Variants in DCAF10 observed in about 807,000 individuals in gnomAD.
DCAF10 encodes DDB1 and CUL4 associated factor 10, also known as DDB1- and CUL4-associated factor 10.
A neutral mutation model predicts 51.9 loss-of-function variants in DCAF10; 19 were observed. That is an observed-to-expected ratio of 0.37 (90% confidence interval 0.26 to 0.54). The LOEUF is 0.54. Ranked by LOEUF, DCAF10 falls within the 20% of genes least tolerant of loss-of-function variation. The pLI, the probability that DCAF10 is intolerant of heterozygous loss-of-function variation, is 0.87. For synonymous variants in DCAF10, 291 were observed against 297.1 expected, an observed-to-expected ratio of 0.98 and a Z score of 0.21; for missense variants, 510 against 730.6, an observed-to-expected ratio of 0.70 and a Z score of 3.48.
rs1831155690 is a variant in DCAF10, at chr9:37,867,275, A to G, written c.*5767A>G. 6.6e-6 allele frequency: 1 copy of G among 152,182 alleles called. No homozygotes were observed. Among genetic ancestry groups the G allele is most frequent in the Non-Finnish European group, 1.5e-5 (1 of 68,038 alleles). 9.4% of individuals were successfully genotyped at this position (152,182 alleles called of 1,614,324 possible). ...ATAAATGAAAATGTCACCCAGAGAT[A>G]ATAAAATAATTTTTAAAGTTTAAAT... On this transcript the variant is annotated 3_prime_UTR_variant, in exon 7 of 7. Coordinates refer to ENST00000377724, the MANE Select transcript of DCAF10 (RefSeq NM_024345.5).
At chr9:37,820,691 G>A (rs74426637) in intron 2 of DCAF10, among the ~76,000 whole-genome samples, 19,456 of 152,038 alleles carry the variant, frequency 0.13, 1,407 homozygotes, top group Non-Finnish European at 0.16. Context: ...GGGCCCAGAT[G>A]GCCAAGTGGG....
At chr9:37,828,820 C>T (rs1250239955) in intron 2 of DCAF10, among the ~76,000 whole-genome samples, 4 of 152,136 alleles carry the variant, frequency 2.6e-5, no homozygotes, top group African/African-American at 9.7e-5. Flanking sequence ...AAAATTAGAT[C>T]TCTACTTCAC....
chr9:37,801,156 G>C lies in DCAF10; in HGVS notation c.290G>C (p.Arg97Pro). 1.3e-6 allele frequency: 2 copies of C among 1,537,012 alleles called. No individual in the cohort carries two copies. The highest frequency in any genetic ancestry group is 1.7e-6 in the Non-Finnish European group (2 of 1,143,716). ...EPSPPSPPCR[R>P]PGPDCRAKSR... ...TCACCTCCCTCCCCTCCGTGCCGGCGGCCCGGGCCAGACTGCAGGGCCAAG... is the reference window on the plus strand; with the variant it reads ...TCACCTCCCTCCCCTCCGTGCCGGCCGCCCGGGCCAGACTGCAGGGCCAAG... Residue 97 changes from arginine (R) to proline (P), a missense_variant, in exon 1 of 7, where the codon CGG becomes CCG. Arg to Pro is a moderately radical substitution (Grantham distance 103). Transcript: ENST00000377724. The surrounding 1 kb of genome is among the most constrained non-coding windows in gnomAD (Gnocchi z 5.5).
intron 2 of DCAF10, among the ~76,000 whole-genome samples, chr9:37,821,176 T>C (rs1829691872): frequency 6.6e-6 from 1 of 152,136 alleles, no homozygotes; most frequent in African/African-American, 2.4e-5. Context: ...ATTATTTACC[T>C]TGCCTTTTTC....
intron 1 of DCAF10, among the ~76,000 whole-genome samples, chr9:37,816,857 T>A (rs1159653528): frequency 6.6e-6 from 1 of 152,144 alleles, no homozygotes; most frequent in Non-Finnish European, 1.5e-5. Context: ...ATCTGTAAAG[T>A]CAGTGCATTT....
At chr9:37,851,778 ACT>A (rs1459048564) in intron 3 of DCAF10, among the ~76,000 whole-genome samples, 3 of 146,372 alleles carry the variant, frequency 2.0e-5, no homozygotes, top group African/African-American at 7.8e-5. Flanking sequence ...ACAGAGTAAG[ACT>A]CTGTCTCAAA....
intron 2 of DCAF10, among the ~76,000 whole-genome samples, chr9:37,837,729 A>G (rs1306985380): frequency 6.6e-6 from 1 of 151,950 alleles, no homozygotes; most frequent in Admixed American, 6.6e-5. Context: ...GGTTTCCTTC[A>G]CATCTTTGGA....
At chr9:37,845,187 A>T (rs1180346138) in intron 3 of DCAF10, among the ~76,000 whole-genome samples, 4 of 152,230 alleles carry the variant, frequency 2.6e-5, no homozygotes, top group African/African-American at 9.6e-5. Flanking sequence ...TTACTCAAAA[A>T]ACTGGAAAAA....
chr9:37,835,197 G>A (rs1025283807), intron 2 of DCAF10, among the ~76,000 whole-genome samples: 2 of 152,126 alleles, frequency 1.3e-5, no homozygotes, highest in Non-Finnish European at 2.9e-5. Flanking sequence ...CACTTTGGGA[G>A]GTCGAAGTGG....
At position 37,800,958 on chromosome 9, in the gene DCAF10, C is replaced by G; in HGVS notation, c.92C>G (p.Ala31Gly). Residue 31 changes from alanine to glycine, a missense_variant, in exon 1 of 7, where the codon GCC becomes GGC. By Grantham distance (60) the Ala-to-Gly change is moderately conservative. Around this residue, in one of 4 missense-constraint regions of DCAF10, gnomAD observed 251 missense variants for 227.9 expected, o/e 1.10. Coordinates refer to ENST00000377724, the MANE Select transcript of DCAF10 (RefSeq NM_024345.5). ...ACGCCCCACGAGGGGCAGGCAGCAG[C>G]CACCGGGCCGCCCTCGCCACTACAT... ...EPTPHEGQAAATGPPSPLHPG... is the reference protein window; with the variant it reads ...EPTPHEGQAAGTGPPSPLHPG... 6.6e-7 allele frequency: 1 copy of G among 1,504,586 alleles called. No homozygotes were observed. The highest frequency in any genetic ancestry group is 8.8e-7 in the Non-Finnish European group (1 of 1,134,434). 93.2% of individuals were successfully genotyped at this position (1,504,586 alleles called of 1,614,324 possible).
intron 2 of DCAF10, among the ~76,000 whole-genome samples, chr9:37,839,065 C>CTTT (rs138919253): frequency 4.0e-5 from 6 of 148,666 alleles, no homozygotes; most frequent in Admixed American, 6.7e-5. Flanking sequence ...TTTTCTTTTT[C>CTTT]TTTTTTTTGA....
intron 2 of DCAF10, among the ~76,000 whole-genome samples, chr9:37,837,470 A>AG (rs1378976980): frequency 2.0e-5 from 3 of 151,998 alleles, no homozygotes; most frequent in East Asian, 3.9e-4. Context: ...AAAAAAAAAA[A>AG]AAAAAGAAAA....
At chr9:37,850,982 G>A (rs1830634863) in intron 3 of DCAF10, among the ~76,000 whole-genome samples, 1 of 150,720 alleles carries the variant, frequency 6.6e-6, no homozygotes, top group East Asian at 2.0e-4. Flanking sequence ...GGTAGCTCAT[G>A]CCTCTAATTC....
At chr9:37,813,110 A>G (rs1829403800) in intron 1 of DCAF10, among the ~76,000 whole-genome samples, 1 of 152,058 alleles carries the variant, frequency 6.6e-6, no homozygotes, top group African/African-American at 2.4e-5. Flanking sequence ...AAATGTATAT[A>G]TATTCTTAGA....
intron 2 of DCAF10, among the ~76,000 whole-genome samples, chr9:37,819,663 A>C (rs1460804226): frequency 6.6e-6 from 1 of 152,210 alleles, no homozygotes; most frequent in Admixed American, 6.5e-5. Flanking sequence ...CATCATTATG[A>C]ACCTCAGCCA....
chr9:37,814,270 CT>C (rs1829459343), intron 1 of DCAF10, among the ~76,000 whole-genome samples: 1 of 144,884 alleles, frequency 6.9e-6, no homozygotes, highest in African/African-American at 2.5e-5. Context: ...TCCCAAGTAG[CT>C]GGAATTACAG....
chr9:37,855,742 G>T (rs1302462006), intron 4 of DCAF10, among the ~76,000 whole-genome samples: 2 of 152,164 alleles, frequency 1.3e-5, no homozygotes, highest in Non-Finnish European at 2.9e-5. Context: ...AGGTGCGGGG[G>T]CTCACACCTG....
rs1829945053 is a variant in DCAF10, at chr9:37,829,398, CCATTG to C, written c.653+10002_653+10006del. Among the ~76,000 whole-genome samples the C allele has an allele frequency of 1.3e-5, 2 of 152,090 alleles. No homozygotes were observed. The highest frequency in any genetic ancestry group is 2.9e-5 in the Non-Finnish European group (2 of 68,034). ...GAGGTTGCGGTGAGCCAAGATTGTG[CCATTG>C]CATTCCAGCCTGGGCAACAAGAGCA... On this transcript the variant is annotated intron_variant, in intron 2 of 6. Transcript: ENST00000377724. The surrounding 1 kb of genome is among the most constrained non-coding windows in gnomAD (Gnocchi z 4.2).
intron 6 of DCAF10, 25 bp downstream of exon 6, chr9:37,860,218 C>T (rs201241031): frequency 1.6e-4 from 259 of 1,612,922 alleles, no homozygotes; most frequent in Middle Eastern, 1.2e-3. Context: ...ACTCCACCTT[C>T]AACAGGGCTC....
Sources: allele counts gnomAD v4.1 joint callset (sites outside exome capture counted in the v4.1 genomes callset), GRCh38; gene constraint gnomAD v4.1.1; regional missense constraint gnomAD v4.1.1; non-coding constraint Gnocchi (gnomAD v3.1); transcripts MANE v1.5; gene names NCBI Gene and HGNC (gene_info 2026-07-23, HGNC 2026-07-21).